CAST: variants seen among roughly 807,000 people sequenced by gnomAD.
CAST encodes calpastatin.
Under a neutral mutation model 119.6 loss-of-function variants are expected in CAST, and 76 were observed. The observed-to-expected ratio is 0.64, with a 90% CI of 0.53 to 0.77. The LOEUF is 0.77. Among genes scored for constraint, CAST ranks in the 30% least tolerant of loss-of-function variants. CAST has a pLI of 0.00. For missense variants in CAST, 953 were observed against 946.5 expected, an observed-to-expected ratio of 1.01 and a Z score of -0.09; for synonymous variants, 319 against 331.6, an observed-to-expected ratio of 0.96 and a Z score of 0.41.
the CAST span, among the ~76,000 whole-genome samples, chr5:96,386,391 C>A: frequency 6.6e-6 from 1 of 152,202 alleles, no homozygotes; most frequent in Non-Finnish European, 1.5e-5. Flanking sequence ...TCAGTCTACA[C>A]TGGTGATGAT....
chr5:96,211,514 C>T, the CAST span, among the ~76,000 whole-genome samples: 1 of 151,990 alleles, frequency 6.6e-6, no homozygotes, highest in African/African-American at 2.4e-5. Flanking sequence ...TACTTAATTT[C>T]TCTAAAATAT....
At chr5:96,393,134 G>A in the CAST span, 20 of 1,614,054 alleles carry the variant, frequency 1.2e-5, no homozygotes, top group South Asian at 2.2e-4. Flanking sequence ...AAGCTGGGAA[G>A]GTTTGTTCAG....
At chr5:96,370,506 G>A in the CAST span, among the ~76,000 whole-genome samples, 1 of 152,060 alleles carries the variant, frequency 6.6e-6, no homozygotes, top group Admixed American at 6.5e-5. Flanking sequence ...CCCCTTCAGG[G>A]CCAGACTGGT....
the CAST span, among the ~76,000 whole-genome samples, chr5:96,377,151 T>C: frequency 6.6e-6 from 1 of 151,912 alleles, no homozygotes; most frequent in African/African-American, 2.4e-5. Flanking sequence ...AGTCAAACTT[T>C]CATTTTTTTA....
intron 1 of CAST, among the ~76,000 whole-genome samples, chr5:96,585,752 C>A (rs1444829680): frequency 6.6e-6 from 1 of 152,128 alleles, no homozygotes; most frequent in Admixed American, 6.5e-5. Context: ...AAAACAAACA[C>A]ACATATTTTA....
At chr5:96,210,550 G>T in the CAST span, among the ~76,000 whole-genome samples, 1 of 151,914 alleles carries the variant, frequency 6.6e-6, no homozygotes, top group African/African-American at 2.4e-5. Flanking sequence ...TGATATATGT[G>T]TCTGCCCTTC....
At chr5:96,231,656 A>G in the CAST span, among the ~76,000 whole-genome samples, 6 of 152,170 alleles carry the variant, frequency 3.9e-5, no homozygotes, top group Non-Finnish European at 5.9e-5. Flanking sequence ...TATAAATTAT[A>G]TCTCAATAAA....
At chr5:96,121,131 G>C in the CAST span, among the ~76,000 whole-genome samples, 1 of 152,030 alleles carries the variant, frequency 6.6e-6, no homozygotes, top group African/African-American at 2.4e-5. Flanking sequence ...TTTTAAAAGA[G>C]TGCCTGTTTA....
At chr5:96,397,473 T>A in the CAST span, 1 of 1,611,890 alleles carries the variant, frequency 6.2e-7, no homozygotes, top group Non-Finnish European at 8.5e-7. Context: ...CTAGTTCCTA[T>A]GAAACAAATA....
At chr5:96,457,436 C>G in the CAST span, among the ~76,000 whole-genome samples, 1 of 152,184 alleles carries the variant, frequency 6.6e-6, no homozygotes. Context: ...CAATAACTTT[C>G]CATGTCGCTC....
chr5:96,416,051 A>G, the CAST span: 6 of 1,610,832 alleles, frequency 3.7e-6, no homozygotes, highest in Non-Finnish European at 5.1e-6. Flanking sequence ...TTGGAATTGT[A>G]TGCAACTCCA....
chr5:96,750,619 G>C lies in CAST; in HGVS notation c.1461G>C (p.Ser487=). ...ESKAAAPAPV[S]EAVCRTSMCS... is the part of the protein sequence containing the mutation. ...AGGCCGCTGCTCCAGCTCCTGTGTC[G>C]GAGGCTGTGTGTCGGACCTCCATGT... is the stretch of plus-strand genomic sequence containing the variant. Residue 487 remains serine (S), a synonymous_variant, in exon 20 of 32, where the codon TCG becomes TCC. Coordinates refer to ENST00000675179, the MANE Select transcript of CAST (RefSeq NM_001750.7). 6.2e-7 allele frequency: 1 copy of C among 1,613,036 alleles called. No individual in the cohort carries two copies. Among genetic ancestry groups the C allele is most frequent in the East Asian group, 2.2e-5 (1 of 44,852 alleles).
the CAST span, among the ~76,000 whole-genome samples, chr5:96,036,298 T>C: frequency 8.0e-3 from 1,212 of 152,204 alleles, 19 homozygotes; most frequent in African/African-American, 0.028. Context: ...TTGAACTAAA[T>C]GAATTTATTC....
At chr5:96,015,855 G>T in the CAST span, among the ~76,000 whole-genome samples, 2 of 152,122 alleles carry the variant, frequency 1.3e-5, no homozygotes, top group Non-Finnish European at 2.9e-5. Flanking sequence ...GTGGTATTGT[G>T]GGGAACTTCA....
chr5:96,045,070 T>C, the CAST span, among the ~76,000 whole-genome samples: 2 of 152,224 alleles, frequency 1.3e-5, no homozygotes, highest in Admixed American at 1.3e-4. Flanking sequence ...TTCATAGAGC[T>C]GGCCGGGCGC....
At chr5:96,416,219 G>A in the CAST span, 4 of 833,646 alleles carry the variant, frequency 4.8e-6, no homozygotes, top group Non-Finnish European at 8.2e-6. Context: ...TTAACTTTTT[G>A]TCGGCCTTGT....
intron 1 of CAST, among the ~76,000 whole-genome samples, chr5:96,543,362 T>G (rs1252791120): frequency 1.3e-5 from 2 of 151,918 alleles, no homozygotes; most frequent in African/African-American, 4.8e-5. Flanking sequence ...GAGGGGAACA[T>G]CACACACTGG....
intron 1 of CAST, among the ~76,000 whole-genome samples, chr5:96,562,984 T>A (rs1561417600): frequency 6.6e-6 from 1 of 152,222 alleles, no homozygotes; most frequent in Non-Finnish European, 1.5e-5. Context: ...GGAAGGAGTT[T>A]TCTGTCCTCC....
chr5:96,506,918 G>T, the CAST span, among the ~76,000 whole-genome samples: 1 of 152,182 alleles, frequency 6.6e-6, no homozygotes, highest in Non-Finnish European at 1.5e-5. Context: ...TCACACACAG[G>T]TTTTGTCCAG....
Sources: allele counts gnomAD v4.1 joint callset (sites outside exome capture counted in the v4.1 genomes callset), GRCh38; gene constraint gnomAD v4.1.1; transcripts MANE v1.5; gene names NCBI Gene and HGNC (gene_info 2026-07-23, HGNC 2026-07-21).